COL8A1: variants seen among roughly 807,000 people sequenced by gnomAD.
COL8A1 encodes collagen alpha-1(VIII) chain.
Under a neutral mutation model 42.7 loss-of-function variants are expected in COL8A1, and 21 were observed. The observed-to-expected ratio is 0.49, with a 90% CI of 0.35 to 0.71. The LOEUF is 0.71. COL8A1 is among the 30% of genes least tolerant of loss of function. The pLI is 0.01. For missense variants in COL8A1, 788 were observed against 962.4 expected, an observed-to-expected ratio of 0.82 and a Z score of 2.40; for synonymous variants, 367 against 369.1, an observed-to-expected ratio of 0.99 and a Z score of 0.06.
chr3:99,651,460 T>C (rs1229996254), intron 1 of COL8A1, among the ~76,000 whole-genome samples: 1 of 152,270 alleles, frequency 6.6e-6, no homozygotes, highest in Non-Finnish European at 1.5e-5. Flanking sequence ...CCTGAAACAC[T>C]GCGAAGAAGG....
chr3:99,738,303 G>A (rs1324731569), intron 1 of COL8A1, among the ~76,000 whole-genome samples: 4 of 152,214 alleles, frequency 2.6e-5, no homozygotes, highest in Non-Finnish European at 5.9e-5. Context: ...GAGGCACTCT[G>A]ATTTTTAGAG....
chr3:99,724,106 C>T (rs651511), intron 1 of COL8A1, among the ~76,000 whole-genome samples: 107,448 of 151,994 alleles, frequency 0.71, 38,689 homozygotes, highest in African/African-American at 0.86. Flanking sequence ...ACCATGTGAC[C>T]GTCCTTGACA....
In COL8A1 at chr3:99,795,449, C is replaced by A; in HGVS notation, c.1548C>A (p.Gly516=). Residue 516 remains glycine (G), a synonymous_variant, in exon 4 of 4, where the codon GGC becomes GGA. Coordinates refer to ENST00000652472, the MANE Select transcript of COL8A1 (RefSeq NM_020351.4). Reference sequence around the variant, plus strand: ...CCATTGGACCACCTGGGATTCCAGGCCCCAAAGGGGAGCCGGGCCTCCCAG... The same window carrying A: ...CCATTGGACCACCTGGGATTCCAGGACCCAAAGGGGAGCCGGGCCTCCCAG... ...SGPIGPPGIP[G]PKGEPGLPGP... 6.6e-7 allele frequency: 1 copy of A among 1,517,886 alleles called. No homozygotes were observed. The highest frequency in any genetic ancestry group is 8.8e-7 in the Non-Finnish European group (1 of 1,131,128). 94.0% of individuals were successfully genotyped at this position (1,517,886 alleles called of 1,614,324 possible). A position where few individuals can be genotyped will look rare whatever the true frequency, so the allele number is the denominator to read the frequency against.
At chr3:99,672,985 C>A (rs1412965983) in intron 1 of COL8A1, among the ~76,000 whole-genome samples, 4 of 151,958 alleles carry the variant, frequency 2.6e-5, no homozygotes, top group Admixed American at 2.6e-4. Context: ...CTGCAAGAGT[C>A]TCTCCACCCA....
At chr3:99,738,014 G>A (rs1202573904) in intron 1 of COL8A1, among the ~76,000 whole-genome samples, 17 of 151,730 alleles carry the variant, frequency 1.1e-4, no homozygotes, top group Admixed American at 2.6e-4. Flanking sequence ...CCAGTTGATC[G>A]CATCGGCTCC....
At chr3:99,783,114 C>T (rs1046565989) in intron 2 of COL8A1, among the ~76,000 whole-genome samples, 1 of 152,168 alleles carries the variant, frequency 6.6e-6, no homozygotes, top group African/African-American at 2.4e-5. Flanking sequence ...AATGAACTTA[C>T]AGTTCGGCAG....
At position 99,729,113 on chromosome 3, in the gene COL8A1, T is replaced by C. The variant is rs9837028; in HGVS notation, c.-128-15784T>C. ...AACATTTGATATATTTCCATCTATTTCAAAAGTATCAGAAGGATGCACTAG... is the reference window on the plus strand; with the variant it reads ...AACATTTGATATATTTCCATCTATTCCAAAAGTATCAGAAGGATGCACTAG... On this transcript the variant is annotated intron_variant, in intron 1 of 3. Coordinates refer to ENST00000652472, the MANE Select transcript of COL8A1 (RefSeq NM_020351.4). 4.7e-3 allele frequency among the ~76,000 whole-genome samples: 720 copies of C among 152,174 alleles called. 5 individuals are homozygous for C. The highest frequency in any genetic ancestry group is 0.016 in the African/African-American group (677 of 41,556).
Position 99,796,067 on chromosome 3 carries a change from G to A in COL8A1, c.2166G>A (p.Gln722=), listed in dbSNP as rs1942103367. The change falls in exon 4 of 4, where the codon CAG becomes CAA. Residue 722 remains glutamine (Q), a synonymous_variant. Coordinates refer to ENST00000652472, the MANE Select transcript of COL8A1 (RefSeq NM_020351.4). ...DRVFLQMPSE[Q]AAGLYAGQYV... The stretch of plus-strand genomic sequence containing the variant: ...TGTTCCTCCAGATGCCCTCAGAACA[G>A]GCTGCAGGACTGTATGCCGGGCAGT... 3.7e-6 allele frequency: 6 copies of A among 1,609,312 alleles called. No homozygotes were observed. The highest frequency in any genetic ancestry group is 2.7e-5 in the African/African-American group (2 of 74,856).
At chr3:99,734,408 T>C (rs1227118429) in intron 1 of COL8A1, among the ~76,000 whole-genome samples, 2 of 149,072 alleles carry the variant, frequency 1.3e-5, no homozygotes, top group African/African-American at 5.1e-5. Context: ...AAATAGGGAA[T>C]CCTTTCCCCA....
chr3:99,777,335 T>G (rs1941713140), intron 2 of COL8A1, among the ~76,000 whole-genome samples: 1 of 152,096 alleles, frequency 6.6e-6, no homozygotes, highest in South Asian at 2.1e-4. Flanking sequence ...GGTGGCGAGC[T>G]CAGGACAGAC....
intron 2 of COL8A1, among the ~76,000 whole-genome samples, chr3:99,759,819 A>T (rs1000917898): frequency 6.6e-6 from 1 of 152,214 alleles, no homozygotes; most frequent in African/African-American, 2.4e-5. Context: ...GCTTTGTGCC[A>T]ACAAAATCAC....
intron 1 of COL8A1, among the ~76,000 whole-genome samples, chr3:99,669,146 T>TATATATATATAG: frequency 1.7e-5 from 2 of 115,362 alleles, no homozygotes; most frequent in Admixed American, 9.5e-5. Flanking sequence ...TATATATATA[T>TATATATATATAG]AGAGGGAGAG....
rs780885710 is a variant in COL8A1, at chr3:99,795,777, T to C, written c.1876T>C (p.Phe626Leu). 1 of 1,614,142 alleles carries C rather than the reference T, an allele frequency of 6.2e-7. No homozygotes were observed. The highest frequency in any genetic ancestry group is 8.5e-7 in the Non-Finnish European group (1 of 1,180,018). ...ATTTACCGCCGAGCTAACCGCACCT[T>C]TCCCACCGGTGGGGGCCCCAGTGAA... ...PAFTAELTAPFPPVGAPVKFN... is the reference protein window; with the variant it reads ...PAFTAELTAPLPPVGAPVKFN... The change falls in exon 4 of 4, where the codon TTC (phenylalanine) becomes CTC (leucine). Residue 626 changes from phenylalanine (F) to leucine (L), a missense_variant. Physicochemically the swap from Phe to Leu is conservative, Grantham distance 22. This residue lies in a region of COL8A1 where 212 missense variants were observed against 210.9 expected (regional missense o/e 1.00). Coordinates refer to ENST00000652472, the MANE Select transcript of COL8A1 (RefSeq NM_020351.4).
intron 1 of COL8A1, among the ~76,000 whole-genome samples, chr3:99,696,857 T>C (rs1939384442): frequency 6.6e-6 from 1 of 152,236 alleles, no homozygotes; most frequent in African/African-American, 2.4e-5. Context: ...AGCTCTACTT[T>C]GTCATACTTT....
At chr3:99,790,602 C>T in intron 2 of COL8A1, 78 bp from the exon 3 acceptor site, 3 of 1,166,432 alleles carry the variant, frequency 2.6e-6, no homozygotes, top group South Asian at 3.0e-5. Context: ...TTTTTTTTCC[C>T]CATTCTATCT....
At chr3:99,701,759 C>A (rs1559783389) in intron 1 of COL8A1, among the ~76,000 whole-genome samples, 1 of 152,134 alleles carries the variant, frequency 6.6e-6, no homozygotes, top group Admixed American at 6.5e-5. Context: ...TCCATGCATG[C>A]CTCACTGAGG....
chr3:99,750,790 G>A (rs983223451), intron 2 of COL8A1, among the ~76,000 whole-genome samples: 3 of 152,160 alleles, frequency 2.0e-5, no homozygotes, highest in Non-Finnish European at 4.4e-5. Context: ...GAACATGAGT[G>A]TAAAGATCAA....
chr3:99,783,043 A>T (rs1280463778), intron 2 of COL8A1, among the ~76,000 whole-genome samples: 1 of 152,254 alleles, frequency 6.6e-6, no homozygotes, highest in East Asian at 1.9e-4. Context: ...TACGTGAGCT[A>T]TTATTTTAAG....
Position 99,673,490 on chromosome 3 carries a change from A to G in COL8A1, c.-129+34826A>G, listed in dbSNP as rs529371311. 7.8e-4 allele frequency among the ~76,000 whole-genome samples: 118 copies of G among 152,200 alleles called. 2 individuals are homozygous for G. The highest frequency in any genetic ancestry group is 2.6e-3 in the African/African-American group (108 of 41,552). On this transcript the variant is annotated intron_variant, in intron 1 of 3. Coordinates refer to ENST00000652472, the MANE Select transcript of COL8A1 (RefSeq NM_020351.4). ...TCATTCTGTACCTCTTTATATATTA[A>G]AACAGTTTCTTGCCTTTGGTATGAA...
Sources: allele counts gnomAD v4.1 joint callset (sites outside exome capture counted in the v4.1 genomes callset), GRCh38; gene constraint gnomAD v4.1.1; regional missense constraint gnomAD v4.1.1; transcripts MANE v1.5; gene names NCBI Gene and HGNC (gene_info 2026-07-23, HGNC 2026-07-21).